The following DPYD variants were observed in gnomAD, a reference collection of about 807,000 sequenced individuals.
DPYD encodes the protein dihydropyrimidine dehydrogenase.
Under a neutral mutation model 116.2 loss-of-function variants are expected in DPYD, and 109 were observed. The observed-to-expected ratio is 0.94, with a 90% CI of 0.80 to 1.10. The LOEUF is 1.10. DPYD is among the 50% of genes least tolerant of loss of function. The pLI is 0.00. For missense variants in DPYD, 1,302 were observed against 1,254.5 expected (o/e 1.04, Z -0.57); for synonymous variants, 440 against 432.0 (o/e 1.02, Z -0.23).
intron 3 of DPYD, among the ~76,000 whole-genome samples, chr1:97,800,090 T>C (rs1667774302): frequency 6.6e-6 from 1 of 151,952 alleles, no homozygotes; most frequent in Non-Finnish European, 1.5e-5. Context: ...GGTAGATGTC[T>C]TCATATTAAC....
At chr1:97,883,184 T>C (rs538711405) in intron 2 of DPYD, 80 bp downstream of exon 2, 1 of 875,480 alleles carries the variant, frequency 1.1e-6, no homozygotes, top group African/African-American at 1.6e-5. Context: ...ACCTTATTTC[T>C]AAGTGTATGT....
chr1:97,084,817 T>C (rs150017017), intron 21 of DPYD, among the ~76,000 whole-genome samples: 1 of 152,228 alleles, frequency 6.6e-6, no homozygotes, highest in Non-Finnish European at 1.5e-5. Flanking sequence ...TAGCTTCCCA[T>C]GTTGTGGTCT....
At chr1:97,115,625 G>A (rs1351918111) in intron 20 of DPYD, among the ~76,000 whole-genome samples, 1 of 152,124 alleles carries the variant, frequency 6.6e-6, no homozygotes, top group Non-Finnish European at 1.5e-5. Flanking sequence ...TGAGGAAAAT[G>A]TTCTTAAAAG....
intron 4 of DPYD, among the ~76,000 whole-genome samples, chr1:97,724,513 G>A (rs974575377): frequency 6.6e-6 from 1 of 151,520 alleles, no homozygotes. Context: ...TTAAGTTTTA[G>A]TTTTAGTTCT....
intron 20 of DPYD, among the ~76,000 whole-genome samples, chr1:97,188,972 A>ATTCTT (rs1449013711): frequency 6.6e-6 from 1 of 152,204 alleles, no homozygotes; most frequent in Non-Finnish European, 1.5e-5. Context: ...TTCTTTACAT[A>ATTCTT]TTCTTTTCTT....
At chr1:97,333,619 C>G (rs989092706) in intron 16 of DPYD, among the ~76,000 whole-genome samples, 3 of 147,832 alleles carry the variant, frequency 2.0e-5, no homozygotes, top group Non-Finnish European at 4.4e-5. Context: ...CTCCCAGGTT[C>G]AAGCCATTCT....
intron 8 of DPYD, among the ~76,000 whole-genome samples, chr1:97,601,180 G>A (rs1446826669): frequency 1.3e-5 from 2 of 151,972 alleles, no homozygotes; most frequent in Non-Finnish European, 2.9e-5. Context: ...CAAACTCCTT[G>A]ATTTTAGAAT....
intron 18 of DPYD, among the ~76,000 whole-genome samples, chr1:97,299,879 C>T (rs1452279289): frequency 1.3e-5 from 2 of 152,058 alleles, no homozygotes; most frequent in Non-Finnish European, 2.9e-5. Context: ...CAGTGAGATA[C>T]TGAGGCTCTG....
chr1:97,397,066 G>A (rs541814113), intron 14 of DPYD, among the ~76,000 whole-genome samples: 1 of 152,092 alleles, frequency 6.6e-6, no homozygotes, highest in Admixed American at 6.6e-5. Context: ...ATTTGGTGCA[G>A]GATTGCCTAG....
intron 3 of DPYD, chr1:97,796,865 T>C (rs972933942): frequency 3.3e-5 from 5 of 152,156 alleles, no homozygotes; most frequent in African/African-American, 1.2e-4. Context: ...CCATAAGCTG[T>C]TCCCTTGGTA....
chr1:97,769,267 G>A (rs1450769685), intron 3 of DPYD, among the ~76,000 whole-genome samples: 1 of 151,998 alleles, frequency 6.6e-6, no homozygotes, highest in East Asian at 1.9e-4. Context: ...TACAAGAACT[G>A]GATACAATTA....
intron 17 of DPYD, among the ~76,000 whole-genome samples, chr1:97,305,842 AG>A (rs1667126265): frequency 6.6e-6 from 1 of 151,964 alleles, no homozygotes; most frequent in South Asian, 2.1e-4. Flanking sequence ...TACTCATTAA[AG>A]TTTAATATAT....
At chr1:97,786,055 G>A (rs1231469963) in intron 3 of DPYD, among the ~76,000 whole-genome samples, 1 of 148,090 alleles carries the variant, frequency 6.8e-6, no homozygotes, top group African/African-American at 2.5e-5. Flanking sequence ...TTGGGTCAAC[G>A]ATATGCCTCA....
At chr1:97,428,065 T>C (rs1489192595) in intron 14 of DPYD, among the ~76,000 whole-genome samples, 1 of 152,110 alleles carries the variant, frequency 6.6e-6, no homozygotes, top group Non-Finnish European at 1.5e-5. Flanking sequence ...AACAATACAA[T>C]AAAAGTTATA....
At chr1:97,351,281 T>G (rs1670130995) in intron 16 of DPYD, among the ~76,000 whole-genome samples, 1 of 152,132 alleles carries the variant, frequency 6.6e-6, no homozygotes, top group South Asian at 2.1e-4. Flanking sequence ...ACTGACTTAT[T>G]CTTGCAGGTG....
chr1:97,220,264 A>G (rs1660695265), intron 19 of DPYD, among the ~76,000 whole-genome samples: 1 of 152,136 alleles, frequency 6.6e-6, no homozygotes, highest in Non-Finnish European at 1.5e-5. Context: ...GACCTGAACT[A>G]GCGCATTAGC....
At chr1:97,614,650 T>C (rs1269207716) in intron 8 of DPYD, among the ~76,000 whole-genome samples, 1 of 152,114 alleles carries the variant, frequency 6.6e-6, no homozygotes, top group African/African-American at 2.4e-5. Context: ...TACTCACTAA[T>C]ATAAATCAAC....
chr1:97,151,148 G>A (rs938900454), intron 20 of DPYD, among the ~76,000 whole-genome samples: 2 of 152,122 alleles, frequency 1.3e-5, no homozygotes, highest in African/African-American at 4.8e-5. Flanking sequence ...ATTCTTCTAT[G>A]AAATGTGTTC....
chr1:97,838,931 T>C (rs1390113347), intron 2 of DPYD, among the ~76,000 whole-genome samples: 1 of 152,128 alleles, frequency 6.6e-6, no homozygotes, highest in East Asian at 1.9e-4. Flanking sequence ...TCACATCAAA[T>C]GAACAGGGCC....
Sources: allele counts gnomAD v4.1 joint callset (sites outside exome capture counted in the v4.1 genomes callset), GRCh38; gene constraint gnomAD v4.1.1; transcripts MANE v1.5; gene names NCBI Gene and HGNC (gene_info 2026-07-23, HGNC 2026-07-21).